Variants in IMMP2L observed in about 807,000 individuals in gnomAD.
IMMP2L encodes mitochondrial inner membrane protease subunit 2.
In IMMP2L, 18 loss-of-function variants were observed where a neutral mutation model predicts 19.3. The ratio of observed to expected loss-of-function variants is 0.93; its 90% CI spans 0.64 to 1.38. The LOEUF (loss-of-function observed/expected upper bound fraction) is 1.38. IMMP2L is among the 40% of genes most tolerant of loss of function. IMMP2L has a pLI of 0.00. For synonymous variants in IMMP2L, 76 were observed against 73.0 expected, an observed-to-expected ratio of 1.04 and a Z score of -0.21; for missense variants, 233 against 218.2, an observed-to-expected ratio of 1.07 and a Z score of -0.43.
At chr7:110,999,322 T>C (rs551179899) in intron 3 of IMMP2L, among the ~76,000 whole-genome samples, 137 of 58,018 alleles carry the variant, frequency 2.4e-3, no homozygotes, top group African/African-American at 9.5e-3. Flanking sequence ...TTTTTCTCAT[T>C]TTCCATGGTT....
rs1841947539 is a variant in IMMP2L, at chr7:111,478,895, C to CA, written c.239+8342_239+8343insT. On this transcript the variant is annotated intron_variant, in intron 3 of 5. Transcript: ENST00000405709. ...GTTGCGTATAAAAAAATTATAGAAACTCTGCATGATGTCTCTTGCTTCCAG... is the reference window on the plus strand; with the variant it reads ...GTTGCGTATAAAAAAATTATAGAAACATCTGCATGATGTCTCTTGCTTCCAG... 2.6e-5 allele frequency among the ~76,000 whole-genome samples: 4 copies of CA among 152,230 alleles called. No individual in the cohort carries two copies. In the South Asian group the frequency reaches 8.3e-4, roughly 32 times the overall value.
intron 4 of IMMP2L, among the ~76,000 whole-genome samples, chr7:110,935,667 T>C (rs372149316): frequency 6.6e-6 from 1 of 152,018 alleles, no homozygotes; most frequent in South Asian, 2.1e-4. Context: ...GCTACTACTG[T>C]TGACTTTCTT....
chr7:111,203,579 T>TTC (rs1315910090), intron 3 of IMMP2L, among the ~76,000 whole-genome samples: 2 of 150,824 alleles, frequency 1.3e-5, no homozygotes, highest in Non-Finnish European at 3.0e-5. Context: ...CTTTTTTTTT[T>TTC]TTTTTTTCAA....
intron 5 of IMMP2L, among the ~76,000 whole-genome samples, chr7:110,775,077 C>T (rs1012669921): frequency 9.9e-5 from 15 of 152,042 alleles, no homozygotes; most frequent in African/African-American, 3.1e-4. Context: ...AGATATAAAA[C>T]TTTATATGCT....
At chr7:111,237,028 T>TA (rs1814407483) in intron 3 of IMMP2L, among the ~76,000 whole-genome samples, 1 of 152,124 alleles carries the variant, frequency 6.6e-6, no homozygotes, top group Admixed American at 6.6e-5. Flanking sequence ...AGTAAGAACT[T>TA]ACAACAGTGA....
intron 5 of IMMP2L, among the ~76,000 whole-genome samples, chr7:110,705,121 T>C (rs1464372912): frequency 2.0e-5 from 3 of 151,160 alleles, no homozygotes; most frequent in African/African-American, 7.3e-5. Context: ...AAGAGATTAG[T>C]GATGGAGGAA....
intron 3 of IMMP2L, among the ~76,000 whole-genome samples, chr7:111,110,372 C>T (rs892612512): frequency 6.6e-6 from 1 of 152,102 alleles, no homozygotes; most frequent in African/African-American, 2.4e-5. Flanking sequence ...TTATGCTTCT[C>T]ATATATTTAG....
rs1020125790 is a variant in IMMP2L at position 110,720,119 on chromosome 7, G to A, written c.409-56398C>T. Among the ~76,000 whole-genome samples the A allele has an allele frequency of 1.3e-4, 20 of 152,072 alleles. No individual in the cohort carries two copies. In the East Asian group the frequency reaches 2.1e-3, roughly 16 times the overall value. ...CTGAGAGGAGCATGGACAGATCATCGTTACTGGATGAAACTTACAGGAGAA... is the reference window on the plus strand; with the variant it reads ...CTGAGAGGAGCATGGACAGATCATCATTACTGGATGAAACTTACAGGAGAA... On this transcript the variant is annotated intron_variant, in intron 5 of 5. Coordinates refer to ENST00000405709, the MANE Select transcript of IMMP2L (RefSeq NM_032549.4).
At chr7:111,500,954 C>T (rs534429493) in intron 2 of IMMP2L, among the ~76,000 whole-genome samples, 24 of 152,128 alleles carry the variant, frequency 1.6e-4, no homozygotes, top group Admixed American at 2.0e-4. Context: ...TCACCAGCAA[C>T]GGAACAAAGC....
chr7:111,142,340 AAAAG>A (rs1199789345), intron 3 of IMMP2L, among the ~76,000 whole-genome samples: 211 of 16,370 alleles, frequency 0.013, 1 homozygote, highest in Non-Finnish European at 0.064. Flanking sequence ...AAAAAAAAAA[AAAAG>A]AAAGAAAGAA....
At chr7:110,902,653 G>A (rs149170428) in intron 4 of IMMP2L, among the ~76,000 whole-genome samples, 7,775 of 104,054 alleles carry the variant, frequency 0.075, 2,407 homozygotes, top group Middle Eastern at 0.14. Flanking sequence ...GGCCGGGCGC[G>A]GTGGCTCACG....
At chr7:111,383,765 CCT>C (rs1390578978) in intron 3 of IMMP2L, among the ~76,000 whole-genome samples, 1 of 151,978 alleles carries the variant, frequency 6.6e-6, no homozygotes, top group Non-Finnish European at 1.5e-5. Flanking sequence ...AGTTTTTCTG[CCT>C]CTTTCTTTTT....
intron 3 of IMMP2L, among the ~76,000 whole-genome samples, chr7:111,427,803 T>G (rs1397578542): frequency 2.0e-5 from 3 of 151,800 alleles, no homozygotes; most frequent in Admixed American, 1.3e-4. Flanking sequence ...ATCAAAAAAT[T>G]TTAAAATAGT....
At chr7:110,763,631 A>C (rs1736645655) in intron 5 of IMMP2L, among the ~76,000 whole-genome samples, 2 of 152,134 alleles carry the variant, frequency 1.3e-5, no homozygotes, top group African/African-American at 4.8e-5. Context: ...AAACCACTTA[A>C]ATCTTTATAA....
chr7:111,329,771 T>G (rs1220080228), intron 3 of IMMP2L, among the ~76,000 whole-genome samples: 1 of 151,890 alleles, frequency 6.6e-6, no homozygotes, highest in Non-Finnish European at 1.5e-5. Context: ...TTGGAAGGCA[T>G]ATGCCATTTG....
At chr7:111,162,289 G>C (rs1391078667) in intron 3 of IMMP2L, among the ~76,000 whole-genome samples, 1 of 152,016 alleles carries the variant, frequency 6.6e-6, no homozygotes, top group African/African-American at 2.4e-5. Flanking sequence ...GAATCTTGAA[G>C]AAATTTATTA....
At chr7:111,022,457 T>C (rs1202076579) in intron 3 of IMMP2L, among the ~76,000 whole-genome samples, 1 of 152,124 alleles carries the variant, frequency 6.6e-6, no homozygotes, top group Non-Finnish European at 1.5e-5. Flanking sequence ...TTTTTCAGCC[T>C]GGGGGCAAGA....
chr7:111,157,987 C>A (rs1408461669), intron 3 of IMMP2L, among the ~76,000 whole-genome samples: 1 of 151,964 alleles, frequency 6.6e-6, no homozygotes, highest in Non-Finnish European at 1.5e-5. Flanking sequence ...GTTGTCTGCA[C>A]AAGCAGCACA....
At chr7:111,392,430 A>C (rs1337556206) in intron 3 of IMMP2L, among the ~76,000 whole-genome samples, 3 of 152,108 alleles carry the variant, frequency 2.0e-5, no homozygotes, top group Non-Finnish European at 4.4e-5. Context: ...ACAACTGAAC[A>C]CACTTCCCAT....
Sources: gnomAD v4.1 joint callset for allele counts (sites outside exome capture counted in the v4.1 genomes callset) on GRCh38, gnomAD v4.1.1 for gene constraint, MANE v1.5 for transcripts, NCBI Gene and HGNC (gene_info 2026-07-23, HGNC 2026-07-21) for gene names.